RCAN3: variants seen among roughly 807,000 people sequenced by gnomAD.
RCAN3 encodes the protein calcipressin-3.
Under a neutral mutation model 21.9 loss-of-function variants are expected in RCAN3, and 19 were observed. The observed-to-expected ratio is 0.87, with a 90% confidence interval of 0.61 to 1.27. RCAN3 has a LOEUF of 1.27. RCAN3 is among the 50% of genes most tolerant of loss of function. The pLI, the probability that RCAN3 is intolerant of heterozygous loss-of-function variation, is 0.00. For synonymous variants in RCAN3, 114 were observed against 112.3 expected (o/e 1.01, Z -0.09); for missense variants, 240 against 300.1 (o/e 0.80, Z 1.48).
rs112653974 is a variant in RCAN3, at chr1:24,533,072, G to T, written c.370-11G>T. ...TTTGCAAACTGGCTTTGAGCGTCTCGCTCCCTGCAGGTGCAGATGTCCGGC... is the reference window on the plus strand; with the variant it reads ...TTTGCAAACTGGCTTTGAGCGTCTCTCTCCCTGCAGGTGCAGATGTCCGGC... On this transcript the variant is annotated splice_polypyrimidine_tract_variant and intron_variant, in intron 3 of 4. Coordinates refer to ENST00000374395, the MANE Select transcript of RCAN3 (RefSeq NM_013441.4). 2.1e-5 allele frequency: 30 copies of T among 1,414,158 alleles called. No homozygotes were observed. The highest frequency in any genetic ancestry group is 2.7e-5 in the East Asian group (1 of 37,066). The allele number at this position is 1,414,158 out of a possible 1,614,324, so 87.6% of individuals were successfully genotyped here.
At chr1:24,520,290 T>C (rs1440959661) in intron 2 of RCAN3, among the ~76,000 whole-genome samples, 1 of 152,212 alleles carries the variant, frequency 6.6e-6, no homozygotes, top group East Asian at 1.9e-4. Context: ...TGAGGCTCAA[T>C]TAAATACTAG....
chr1:24,512,036 C>T (rs1398860059), intron 1 of RCAN3, among the ~76,000 whole-genome samples: 1 of 151,808 alleles, frequency 6.6e-6, no homozygotes, highest in Non-Finnish European at 1.5e-5. Context: ...TGGTAGGGCT[C>T]GCAGGAACAC....
Position 24,535,378 on chromosome 1 carries a change from C to G in RCAN3, c.*101C>G, listed in dbSNP as rs966111316. On this transcript the variant is annotated 3_prime_UTR_variant, in exon 5 of 5. Transcript: ENST00000374395. ...TGCTGCGAACAGCATAGGTGAGACTCTGCCGAGTGAGGTATAGGTCTTCTC... is the reference window on the plus strand; with the variant it reads ...TGCTGCGAACAGCATAGGTGAGACTGTGCCGAGTGAGGTATAGGTCTTCTC... The G allele has an allele frequency of 7.6e-6, 10 of 1,321,218 alleles. No individual in the cohort carries two copies. In the African/African-American group the frequency reaches 1.1e-4, roughly 14 times the overall value. 81.8% of individuals were successfully genotyped at this position (1,321,218 alleles called of 1,614,324 possible).
intron 2 of RCAN3, 142 bp from the exon 3 acceptor site, chr1:24,531,071 CAAGAA>C (rs1327074608): frequency 1.8e-6 from 1 of 549,312 alleles, no homozygotes; most frequent in East Asian, 2.9e-5. Flanking sequence ...TGTATATGTG[CAAGAA>C]AAGTATACTT....
Position 24,525,843 on chromosome 1 carries a change from G to A in RCAN3, c.196-5375G>A, listed in dbSNP as rs564896258. ...CAGCCTCAGGAATCTACATGGGGATGTCTGTGGACTCACAGAAGGGCAAAG... is the reference window on the plus strand; with the variant it reads ...CAGCCTCAGGAATCTACATGGGGATATCTGTGGACTCACAGAAGGGCAAAG... On this transcript the variant is annotated intron_variant, in intron 2 of 4. Transcript: ENST00000374395. This position sits in a 1 kb window ranked among gnomAD's most constrained non-coding sequence, Gnocchi z 4.1. Among the ~76,000 whole-genome samples, 4 of 152,262 alleles carry A rather than the reference G, an allele frequency of 2.6e-5. No homozygotes were observed. In the East Asian group the frequency reaches 7.7e-4, roughly 29 times the overall value.
At chr1:24,508,635 A>G (rs1557563668) in intron 1 of RCAN3, among the ~76,000 whole-genome samples, 1 of 152,188 alleles carries the variant, frequency 6.6e-6, no homozygotes, top group African/African-American at 2.4e-5. Context: ...CAGCCAGGTC[A>G]TGTGCTACAG....
intron 1 of RCAN3, among the ~76,000 whole-genome samples, chr1:24,506,646 G>A (rs111730974): frequency 4.0e-5 from 6 of 149,704 alleles, no homozygotes; most frequent in African/African-American, 7.4e-5. Flanking sequence ...CAGCATACCC[G>A]AGTTCCTTGT....
intron 2 of RCAN3, among the ~76,000 whole-genome samples, chr1:24,520,160 T>C (rs1648671262): frequency 6.6e-6 from 1 of 152,222 alleles, no homozygotes. Context: ...AGGAAGAATA[T>C]CTCTGTTATA....
intron 3 of RCAN3, among the ~76,000 whole-genome samples, chr1:24,531,890 G>A (rs141850513): frequency 1.3e-5 from 2 of 152,248 alleles, no homozygotes; most frequent in Non-Finnish European, 1.5e-5. Flanking sequence ...AATTGGCTAC[G>A]CTTAGTATAT....
At chr1:24,513,105 C>T (rs1318587384) in intron 1 of RCAN3, among the ~76,000 whole-genome samples, 1 of 151,950 alleles carries the variant, frequency 6.6e-6, no homozygotes, top group Non-Finnish European at 1.5e-5. Context: ...AGCGTGGTGT[C>T]GGGCGCCTGT....
chr1:24,522,461 C>T (rs1379543812), intron 2 of RCAN3, among the ~76,000 whole-genome samples: 2 of 152,212 alleles, frequency 1.3e-5, no homozygotes, highest in African/African-American at 4.8e-5. Flanking sequence ...TGAATAAGCT[C>T]CTCTGTGTTC....
chr1:24,529,576 A>C (rs1367741894), intron 2 of RCAN3, among the ~76,000 whole-genome samples: 2 of 128,080 alleles, frequency 1.6e-5, no homozygotes, highest in Admixed American at 7.7e-5. Context: ...TTTAGGACAG[A>C]GTCTCGTTCT....
At chr1:24,518,763 A>T (rs949842981) in intron 2 of RCAN3, among the ~76,000 whole-genome samples, 33 of 150,504 alleles carry the variant, frequency 2.2e-4, no homozygotes, top group African/African-American at 6.6e-4. Flanking sequence ...CAGCTAATTT[A>T]TTATTTATTT....
chr1:24,515,136 C>G (rs183629487), intron 2 of RCAN3, among the ~76,000 whole-genome samples: 192 of 152,274 alleles, frequency 1.3e-3, no homozygotes, highest in African/African-American at 4.4e-3. Flanking sequence ...TGAGTCAAGT[C>G]TTATTCAATC....
At chr1:24,524,168 T>G (rs1490180930) in intron 2 of RCAN3, among the ~76,000 whole-genome samples, 1 of 152,106 alleles carries the variant, frequency 6.6e-6, no homozygotes, top group Non-Finnish European at 1.5e-5. Flanking sequence ...AGGCAGAGGT[T>G]GCAGAGAGCC....
chr1:24,530,846 C>G (rs938654389), intron 2 of RCAN3, among the ~76,000 whole-genome samples: 2 of 152,122 alleles, frequency 1.3e-5, no homozygotes, highest in African/African-American at 4.8e-5. Context: ...CCCATCTCTA[C>G]TAAAAATGTA....
chr1:24,510,588 G>T (rs1477828230), intron 1 of RCAN3, among the ~76,000 whole-genome samples: 1 of 152,164 alleles, frequency 6.6e-6, no homozygotes, highest in African/African-American at 2.4e-5. Flanking sequence ...GCCTTGCTCT[G>T]GATTAGACTT....
rs535753797 is a variant in RCAN3 at position 24,537,074 on chromosome 1, A to C, written c.*1797A>C. The C allele has an allele frequency of 1.3e-5, 2 of 152,338 alleles. No homozygotes were observed. Among genetic ancestry groups the C allele is most frequent in the Admixed American group, 1.3e-4 (2 of 15,300 alleles). 9.4% of individuals were successfully genotyped at this position (152,338 alleles called of 1,614,324 possible). On this transcript the variant is annotated 3_prime_UTR_variant, in exon 5 of 5. Coordinates refer to ENST00000374395, the MANE Select transcript of RCAN3 (RefSeq NM_013441.4). Reference sequence around the variant, plus strand: ...GGACCCTGTATGCCAGGAGACATGTATTATCAACAATTGGGAATTTTTTGA... The same window carrying C: ...GGACCCTGTATGCCAGGAGACATGTCTTATCAACAATTGGGAATTTTTTGA...
chr1:24,512,137 G>A (rs1273012390), intron 1 of RCAN3, among the ~76,000 whole-genome samples: 2 of 152,036 alleles, frequency 1.3e-5, no homozygotes, highest in African/African-American at 4.8e-5. Flanking sequence ...ATAACTTAAG[G>A]TCAGGAGTTC....
Sources: allele counts gnomAD v4.1 joint callset (sites outside exome capture counted in the v4.1 genomes callset), GRCh38; gene constraint gnomAD v4.1.1; non-coding constraint Gnocchi (gnomAD v3.1); transcripts MANE v1.5; gene names NCBI Gene and HGNC (gene_info 2026-07-23, HGNC 2026-07-21).